Variants in ZFHX3 observed in about 807,000 individuals in gnomAD.
ZFHX3 encodes zinc finger homeobox protein 3.
In ZFHX3, 42 loss-of-function variants were observed where a neutral mutation model predicts 279.1. That is an observed-to-expected ratio of 0.15 (90% CI 0.12 to 0.19). The LOEUF (loss-of-function observed/expected upper bound fraction) is 0.19, where lower values mean the gene tolerates loss of function less well. Ranked by LOEUF, ZFHX3 falls within the 10% of genes least tolerant of loss-of-function variation. The pLI, the probability that ZFHX3 is intolerant of heterozygous loss-of-function variation, is 1.00. For missense variants in ZFHX3, 4,981 were observed against 4,754.0 expected, an observed-to-expected ratio of 1.05 and a Z score of -1.40; for synonymous variants, 2,293 against 1,957.8, an observed-to-expected ratio of 1.17 and a Z score of -4.52.
chr16:72,967,882 C>T (rs775767227), intron 1 of ZFHX3, among the ~76,000 whole-genome samples: 7 of 148,858 alleles, frequency 4.7e-5, no homozygotes, highest in Non-Finnish European at 1.0e-4. Flanking sequence ...GAGCCGAGAT[C>T]GTGCCACTGC....
rs541138462 is a variant in ZFHX3, at chr16:73,393,373, T to A, written c.-1291+62630A>T. ...ACATCCCCCATGATCACTGACAGTA[T>A]TTTACCGTTCCTGATACTGCAGTTC... On this transcript the variant is annotated intron_variant, in intron 3 of 17. Coordinates refer to the ZFHX3 transcript ENST00000641206. Among the ~76,000 whole-genome samples, 23 of 152,318 alleles carry A rather than the reference T, an allele frequency of 1.5e-4. No homozygotes were observed. In the South Asian group the frequency reaches 4.6e-3, roughly 30 times the overall value.
intron 4 of ZFHX3, among the ~76,000 whole-genome samples, chr16:73,311,589 CAAAAAAAA>C (rs1156241061): frequency 7.1e-5 from 2 of 27,978 alleles, no homozygotes; most frequent in Non-Finnish European, 1.3e-4. Context: ...TACTCCATCT[CAAAAAAAA>C]AAAAAAAAAA....
chr16:73,236,593 A>G (rs2012957271), intron 5 of ZFHX3, among the ~76,000 whole-genome samples: 1 of 152,012 alleles, frequency 6.6e-6, no homozygotes, highest in Admixed American at 6.6e-5. Flanking sequence ...GCAAGACTCC[A>G]CCTTAAAAAA....
chr16:73,637,410 T>A (rs111486685), intron 2 of ZFHX3, among the ~76,000 whole-genome samples: 15,189 of 151,546 alleles, frequency 0.1, 906 homozygotes, highest in African/African-American at 0.16. Flanking sequence ...TTTTTGTATT[T>A]TTACTAGAGA....
intron 2 of ZFHX3, among the ~76,000 whole-genome samples, chr16:73,567,215 C>G (rs2020464356): frequency 6.6e-6 from 1 of 152,084 alleles, no homozygotes; most frequent in Non-Finnish European, 1.5e-5. Flanking sequence ...ATGATTTCAT[C>G]TGGAGCTCCT....
intron 2 of ZFHX3, among the ~76,000 whole-genome samples, chr16:73,531,713 TCAAA>T (rs2019806420): frequency 2.6e-5 from 1 of 38,658 alleles, no homozygotes; most frequent in Admixed American, 3.6e-4. Context: ...AAACCCTGTC[TCAAA>T]AAAAAAAAAA....
intron 7 of ZFHX3, among the ~76,000 whole-genome samples, chr16:72,802,556 A>G (rs1053485997): frequency 1.3e-5 from 2 of 152,030 alleles, no homozygotes; most frequent in Admixed American, 1.3e-4. Context: ...CCTCTCCCTG[A>G]AAAAAAGGGG....
chr16:73,531,447 G>T (rs1340300082), intron 2 of ZFHX3, among the ~76,000 whole-genome samples: 5 of 152,058 alleles, frequency 3.3e-5, no homozygotes, highest in Non-Finnish European at 7.4e-5. Context: ...AGGTGTAATG[G>T]CTCACTCCTG....
chr16:73,313,584 C>T (rs904781071), intron 4 of ZFHX3, among the ~76,000 whole-genome samples: 6 of 152,154 alleles, frequency 3.9e-5, no homozygotes, highest in South Asian at 2.1e-4. Flanking sequence ...AGCTAATGAG[C>T]GATACACCTG....
intron 1 of ZFHX3, among the ~76,000 whole-genome samples, chr16:72,962,556 C>A (rs1961629528): frequency 6.6e-6 from 1 of 152,194 alleles, no homozygotes; most frequent in Non-Finnish European, 1.5e-5. Flanking sequence ...CCTGGGCCTC[C>A]TTTCCATGCG....
intron 7 of ZFHX3, among the ~76,000 whole-genome samples, chr16:73,122,124 G>A (rs571974080): frequency 6.6e-6 from 1 of 152,236 alleles, no homozygotes; most frequent in African/African-American, 2.4e-5. Flanking sequence ...GCACATGGTA[G>A]GTACCCTATC....
chr16:73,078,057 G>A (rs1050565951), intron 8 of ZFHX3, among the ~76,000 whole-genome samples: 4 of 152,222 alleles, frequency 2.6e-5, no homozygotes, highest in Non-Finnish European at 5.9e-5. Context: ...CACCTGCTTC[G>A]GCCTCCTAAA....
At chr16:72,984,640 A>C (rs985856104) in intron 1 of ZFHX3, among the ~76,000 whole-genome samples, 7 of 151,796 alleles carry the variant, frequency 4.6e-5, no homozygotes, top group African/African-American at 1.7e-4. Flanking sequence ...AAAAAAAAAA[A>C]AATTCACTGA....
chr16:73,589,029 G>A (rs1223617742), intron 2 of ZFHX3, among the ~76,000 whole-genome samples: 1 of 151,708 alleles, frequency 6.6e-6, no homozygotes, highest in East Asian at 2.0e-4. Flanking sequence ...GGGAGGCTGA[G>A]GCTGGCAGAT....
intron 1 of ZFHX3, among the ~76,000 whole-genome samples, chr16:73,711,682 A>G (rs1307692182): frequency 2.0e-5 from 3 of 152,192 alleles, no homozygotes; most frequent in Non-Finnish European, 4.4e-5. Context: ...ACACAGAGAG[A>G]GGAGAAAAAA....
At chr16:73,782,410 G>C (rs927798433) in intron 1 of ZFHX3, among the ~76,000 whole-genome samples, 8 of 152,066 alleles carry the variant, frequency 5.3e-5, no homozygotes, top group African/African-American at 1.9e-4. Flanking sequence ...AATGTTAAAG[G>C]GCCCATTATC....
intron 2 of ZFHX3, among the ~76,000 whole-genome samples, chr16:73,586,432 AC>A (rs991303600): frequency 3.3e-5 from 5 of 151,168 alleles, no homozygotes; most frequent in African/African-American, 1.2e-4. Flanking sequence ...AAACAAAAAA[AC>A]ATACAGAAAA....
chr16:73,219,566 G>T (rs2012339306), intron 5 of ZFHX3, among the ~76,000 whole-genome samples: 1 of 152,210 alleles, frequency 6.6e-6, no homozygotes, highest in Non-Finnish European at 1.5e-5. Context: ...TTGCATCTAT[G>T]AGACCCTGCT....
intron 2 of ZFHX3, among the ~76,000 whole-genome samples, chr16:73,492,482 A>G (rs2019070626): frequency 6.6e-6 from 1 of 152,334 alleles, no homozygotes; most frequent in African/African-American, 2.4e-5. Flanking sequence ...CCACATTGCC[A>G]CCAGGGAAGC....
Sources: gnomAD v4.1 joint callset for allele counts (sites outside exome capture counted in the v4.1 genomes callset) on GRCh38, gnomAD v4.1.1 for gene constraint, MANE v1.5 for transcripts, NCBI Gene and HGNC (gene_info 2026-07-23, HGNC 2026-07-21) for gene names.